Variants in LRCH1 observed in about 807,000 individuals in gnomAD.
LRCH1 encodes leucine-rich repeat and calponin homology domain-containing protein 1.
In LRCH1, 23 loss-of-function variants were observed where a neutral mutation model predicts 94.9. The ratio of observed to expected loss-of-function variants is 0.24; its 90% CI spans 0.17 to 0.34. The LOEUF (loss-of-function observed/expected upper bound fraction) is 0.34. Among genes scored for constraint, LRCH1 ranks in the 10% least tolerant of loss-of-function variants. The pLI is 1.00. For missense variants in LRCH1, 790 were observed against 945.9 expected (o/e 0.84, Z 2.16); for synonymous variants, 364 against 354.9 (o/e 1.03, Z -0.29).
intron 1 of LRCH1, among the ~76,000 whole-genome samples, chr13:46,612,229 T>C (rs545306855): frequency 6.6e-6 from 1 of 152,170 alleles, no homozygotes; most frequent in East Asian, 1.9e-4. Context: ...AATATATATA[T>C]AAAATAAACT....
intron 1 of LRCH1, among the ~76,000 whole-genome samples, chr13:46,610,135 A>G (rs1287505958): frequency 6.6e-6 from 1 of 152,250 alleles, no homozygotes; most frequent in Non-Finnish European, 1.5e-5. Flanking sequence ...TCTAGACCTT[A>G]CTTTAAATTC....
intron 8 of LRCH1, 125 bp from the exon 9 acceptor site, chr13:46,694,768 T>A (rs1343549270): frequency 1.9e-6 from 2 of 1,041,822 alleles, no homozygotes; most frequent in Non-Finnish European, 2.8e-6. Flanking sequence ...CTTGGGTTTT[T>A]CATATACCTT....
At chr13:46,648,608 T>A (rs9567712) in intron 1 of LRCH1, among the ~76,000 whole-genome samples, 5,322 of 152,346 alleles carry the variant, frequency 0.035, 294 homozygotes, top group East Asian at 0.28. Flanking sequence ...ACAGTTTTTT[T>A]AAAATTCTGG....
intron 19 of LRCH1, among the ~76,000 whole-genome samples, chr13:46,736,774 A>G (rs1873406758): frequency 6.6e-6 from 1 of 152,210 alleles, no homozygotes; most frequent in African/African-American, 2.4e-5. Flanking sequence ...CACAAGCCAC[A>G]GAGATCTTAA....
At chr13:46,591,866 C>T (rs1468740817) in intron 1 of LRCH1, among the ~76,000 whole-genome samples, 2 of 152,190 alleles carry the variant, frequency 1.3e-5, no homozygotes, top group African/African-American at 2.4e-5. Context: ...TCATTGGATC[C>T]GAGAGGAGCT....
chr13:46,626,888 G>A (rs899754007), intron 1 of LRCH1, among the ~76,000 whole-genome samples: 10 of 152,076 alleles, frequency 6.6e-5, no homozygotes, highest in Admixed American at 3.3e-4. Context: ...GAAAAGGTTC[G>A]TAATATCCTG....
Position 46,685,954 on chromosome 13 carries a change from G to A in LRCH1, c.735G>A (p.Val245=). 4 of 1,610,712 alleles carry A rather than the reference G, an allele frequency of 2.5e-6. No homozygotes were observed. The highest frequency in any genetic ancestry group is 3.4e-6 in the Non-Finnish European group (4 of 1,178,778). The part of the protein sequence containing the change: ...LVKFDFSCNK[V]LVIPICFREM... ...AGTTTGACTTTTCCTGCAACAAAGT[G>A]CTCGTGATTCCAATTTGTTTTAGAG... The change falls in exon 5 of 20, where the codon GTG becomes GTA. Residue 245 remains valine, a synonymous_variant. Transcript: ENST00000389797.
At chr13:46,602,050 AG>A (rs1443654051) in intron 1 of LRCH1, among the ~76,000 whole-genome samples, 1 of 152,250 alleles carries the variant, frequency 6.6e-6, no homozygotes, top group African/African-American at 2.4e-5. Context: ...TATGGTTTAA[AG>A]GTGACTTCCA....
At chr13:46,685,555 C>G (rs1870562471) in intron 4 of LRCH1, among the ~76,000 whole-genome samples, 1 of 152,044 alleles carries the variant, frequency 6.6e-6, no homozygotes, top group African/African-American at 2.4e-5. Flanking sequence ...TACTGGGAAA[C>G]AGTTTGAAGT....
chr13:46,681,941 T>TGTGTGTGTGA (rs1870330198), intron 4 of LRCH1, 95 bp downstream of exon 4: 6 of 619,276 alleles, frequency 9.7e-6, no homozygotes, highest in Non-Finnish European at 1.7e-5. Flanking sequence ...GATCTTTGTG[T>TGTGTGTGTGA]GTGTGTGTGT....
chr13:46,613,834 C>T (rs1035448327), intron 1 of LRCH1, among the ~76,000 whole-genome samples: 2 of 152,210 alleles, frequency 1.3e-5, no homozygotes, highest in Non-Finnish European at 2.9e-5. Flanking sequence ...ATCTTCCACT[C>T]CAGGGCTTTT....
intron 1 of LRCH1, among the ~76,000 whole-genome samples, chr13:46,622,199 T>C (rs1053130585): frequency 8.9e-4 from 52 of 58,292 alleles, no homozygotes; most frequent in African/African-American, 3.4e-3. Flanking sequence ...TTTTTTTTTT[T>C]TTTCCCCCCA....
chr13:46,601,848 C>T (rs1827599432), intron 1 of LRCH1, among the ~76,000 whole-genome samples: 1 of 152,146 alleles, frequency 6.6e-6, no homozygotes, highest in Admixed American at 6.5e-5. Context: ...GTACCCACGC[C>T]GCTGCCTAAC....
At chr13:46,615,527 C>G (rs934435956) in intron 1 of LRCH1, among the ~76,000 whole-genome samples, 1 of 152,174 alleles carries the variant, frequency 6.6e-6, no homozygotes, top group South Asian at 2.1e-4. Flanking sequence ...AACCTCCAAA[C>G]CTCATCACAT....
chr13:46,670,217 T>G (rs1179366077), intron 3 of LRCH1, among the ~76,000 whole-genome samples: 1 of 152,214 alleles, frequency 6.6e-6, no homozygotes, highest in Non-Finnish European at 1.5e-5. Flanking sequence ...TCATGGATTA[T>G]TTGATAGCAT....
Position 46,633,454 on chromosome 13 carries a change from T to A in LRCH1, c.308-16747T>A, listed in dbSNP as rs151106599. Among the ~76,000 whole-genome samples the A allele has an allele frequency of 5.0e-3, 757 of 152,322 alleles. 4 individuals carry two copies. Among genetic ancestry groups the A allele is most frequent in the African/African-American group, 0.017 (725 of 41,578 alleles). The stretch of plus-strand genomic sequence containing the variant: ...CAGAATGCCATCATCATTATTGAAT[T>A]GTGTAATAAATACTTGGGGCAGAGT... On this transcript the variant is annotated intron_variant, in intron 1 of 19. Coordinates refer to ENST00000389797, the MANE Select transcript of LRCH1 (RefSeq NM_001164211.2).
intron 1 of LRCH1, among the ~76,000 whole-genome samples, chr13:46,609,209 A>G (rs1272796883): frequency 6.6e-6 from 1 of 152,226 alleles, no homozygotes; most frequent in Non-Finnish European, 1.5e-5. Context: ...CACCTGTTCC[A>G]TATTTGGGCA....
chr13:46,701,300 A>G (rs1566236692), intron 11 of LRCH1, 93 bp downstream of exon 11: 1 of 882,868 alleles, frequency 1.1e-6, no homozygotes, highest in Non-Finnish European at 1.8e-6. Flanking sequence ...ACCTACACAG[A>G]CGATTTTGGC....
chr13:46,596,727 C>G (rs1203321704), intron 1 of LRCH1, among the ~76,000 whole-genome samples: 1 of 152,182 alleles, frequency 6.6e-6, no homozygotes, highest in East Asian at 1.9e-4. Flanking sequence ...GGTAGAGGAA[C>G]AGCTTGCGAT....
Sources: gnomAD v4.1 joint callset for allele counts (sites outside exome capture counted in the v4.1 genomes callset) on GRCh38, gnomAD v4.1.1 for gene constraint, MANE v1.5 for transcripts, NCBI Gene and HGNC (gene_info 2026-07-23, HGNC 2026-07-21) for gene names.